The following SEMA5A variants were observed in gnomAD, a reference collection of about 807,000 sequenced individuals.
SEMA5A encodes the protein semaphorin-5A.
SEMA5A carries 55 observed loss-of-function variants against 135.5 expected under a neutral mutation model. That is an observed-to-expected ratio of 0.41 (90% CI 0.33 to 0.51). The LOEUF (loss-of-function observed/expected upper bound fraction) is 0.51. SEMA5A is among the 20% of genes least tolerant of loss of function. SEMA5A has a pLI of 0.37. For missense variants in SEMA5A, 1,290 were observed against 1,419.9 expected, an observed-to-expected ratio of 0.91 and a Z score of 1.47; for synonymous variants, 580 against 546.5, an observed-to-expected ratio of 1.06 and a Z score of -0.85.
chr5:9,107,033 G>C (rs564335759), intron 16 of SEMA5A, among the ~76,000 whole-genome samples: 1 of 152,254 alleles, frequency 6.6e-6, no homozygotes, highest in Non-Finnish European at 1.5e-5. Flanking sequence ...TGTGGTTTTT[G>C]CATGTCACAA....
chr5:9,189,944 G>A (rs1364714390), intron 11 of SEMA5A, among the ~76,000 whole-genome samples: 1 of 152,176 alleles, frequency 6.6e-6, no homozygotes, highest in Non-Finnish European at 1.5e-5. Flanking sequence ...TTCCAACAAA[G>A]CATACCTTTG....
At chr5:9,374,071 G>T (rs952871082) in intron 3 of SEMA5A, among the ~76,000 whole-genome samples, 6 of 152,142 alleles carry the variant, frequency 3.9e-5, no homozygotes, top group Non-Finnish European at 4.4e-5. Context: ...CAAATGACAA[G>T]GACATATGTG....
chr5:9,147,258 A>C (rs1452426965), intron 12 of SEMA5A, among the ~76,000 whole-genome samples: 2 of 152,174 alleles, frequency 1.3e-5, no homozygotes, highest in African/African-American at 4.8e-5. Flanking sequence ...ATACCAGTTC[A>C]CTCAATAGAA....
chr5:9,473,810 T>C (rs565625063), intron 1 of SEMA5A, among the ~76,000 whole-genome samples: 54 of 152,218 alleles, frequency 3.5e-4, no homozygotes, highest in African/African-American at 1.2e-3. Context: ...CAGGCATGAA[T>C]ATCCAAGTGC....
At chr5:9,120,054 C>T (rs905628076) in intron 14 of SEMA5A, among the ~76,000 whole-genome samples, 2 of 151,904 alleles carry the variant, frequency 1.3e-5, no homozygotes, top group Admixed American at 6.6e-5. Context: ...TAACACGTTG[C>T]TCCTGCTATT....
At chr5:9,352,326 GTATC>G (rs1372536009) in intron 3 of SEMA5A, among the ~76,000 whole-genome samples, 5 of 151,646 alleles carry the variant, frequency 3.3e-5, no homozygotes, top group East Asian at 3.9e-4. Context: ...TTTTTAATTT[GTATC>G]TATCTATCCA....
At chr5:9,054,534 C>A (rs547020688) in intron 18 of SEMA5A, among the ~76,000 whole-genome samples, 12 of 152,254 alleles carry the variant, frequency 7.9e-5, no homozygotes, top group African/African-American at 2.9e-4. Context: ...GAAAACATTT[C>A]TAAATCAATC....
At chr5:9,140,678 T>C (rs2150229309) in intron 12 of SEMA5A, among the ~76,000 whole-genome samples, 1 of 152,328 alleles carries the variant, frequency 6.6e-6, no homozygotes, top group East Asian at 1.9e-4. Context: ...AATTCTTTTA[T>C]TGACAAAATA....
intron 5 of SEMA5A, among the ~76,000 whole-genome samples, chr5:9,285,374 G>A (rs989968520): frequency 9.2e-5 from 14 of 152,012 alleles, no homozygotes; most frequent in Non-Finnish European, 1.3e-4. Flanking sequence ...TCACTGGGCC[G>A]TGAACCCGCC....
chr5:9,361,657 T>C (rs1270034791), intron 3 of SEMA5A, among the ~76,000 whole-genome samples: 1 of 152,222 alleles, frequency 6.6e-6, no homozygotes, highest in East Asian at 1.9e-4. Context: ...ATCCACATCA[T>C]GATCTTTTGC....
At chr5:9,149,327 A>G (rs1212106948) in intron 12 of SEMA5A, among the ~76,000 whole-genome samples, 3 of 152,192 alleles carry the variant, frequency 2.0e-5, no homozygotes, top group Non-Finnish European at 4.4e-5. Flanking sequence ...CACTCCACAC[A>G]GAGGCCTTAA....
intron 9 of SEMA5A, among the ~76,000 whole-genome samples, chr5:9,197,785 T>TGTGTGTGTGTGTGTA (rs1561011433): frequency 1.7e-5 from 2 of 117,862 alleles, no homozygotes; most frequent in Non-Finnish European, 1.6e-5. Context: ...TGTGTGTGTG[T>TGTGTGTGTGTGTGTA]TTTAACCCAG....
chr5:9,300,886 C>G (rs1196675494), intron 5 of SEMA5A, among the ~76,000 whole-genome samples: 3 of 152,164 alleles, frequency 2.0e-5, no homozygotes, highest in Non-Finnish European at 4.4e-5. Flanking sequence ...AGCTTTCTCC[C>G]CTAGAGTCTT....
chr5:9,523,927 A>T lies in SEMA5A; in HGVS notation c.-175+21657T>A, dbSNP rs571560960. Among the ~76,000 whole-genome samples, 43 of 132,734 alleles carry T rather than the reference A, an allele frequency of 3.2e-4. No homozygotes were observed. In the South Asian group the frequency reaches 3.4e-3, roughly 11 times the overall value. The allele number at this position is 132,734 out of a possible 152,430, so 87.1% of individuals were successfully genotyped here. A position where few individuals can be genotyped will look rare whatever the true frequency, so the allele number is the denominator to read the frequency against. ...ATCACTATGTTATAGAGCTTTTGCA[A>T]ATAGAGTTAAATTAAGATGAGGTCT... On this transcript the variant is annotated intron_variant, in intron 1 of 22. Transcript: ENST00000382496.
In SEMA5A at chr5:9,224,808, G is replaced by C. The variant is rs746402219; in HGVS notation, c.512C>G (p.Ala171Gly). ...GAGCTCCCCACCAGCTGTGAGGAGC[G>C]CTGTGGAATTGTGCTGGGGACTGTA... is the stretch of plus-strand genomic sequence containing the variant. The part of the protein sequence containing the change: ...CPYSPQHNST[A>G]LLTAGGELYA... The change falls in exon 8 of 23, where the codon GCG (alanine) becomes GGG (glycine). Residue 171 changes from alanine to glycine, a missense_variant. Coordinates refer to ENST00000382496, the MANE Select transcript of SEMA5A (RefSeq NM_003966.3). 8 of 1,614,090 alleles carry C rather than the reference G, an allele frequency of 5.0e-6. No individual in the cohort carries two copies. Among genetic ancestry groups the C allele is most frequent in the Non-Finnish European group, 6.8e-6 (8 of 1,179,982 alleles).
intron 8 of SEMA5A, among the ~76,000 whole-genome samples, chr5:9,218,964 CT>C (rs1387003048): frequency 3.9e-5 from 6 of 152,234 alleles, no homozygotes; most frequent in Non-Finnish European, 8.8e-5. Context: ...TTGTGGAGTA[CT>C]GACTATGTGC....
At chr5:9,130,207 C>G (rs1741330802) in intron 13 of SEMA5A, among the ~76,000 whole-genome samples, 1 of 152,076 alleles carries the variant, frequency 6.6e-6, no homozygotes, top group African/African-American at 2.4e-5. Context: ...GTGCAGAGGT[C>G]CCTGGAGTTC....
chr5:9,478,351 T>C (rs1407480641), intron 1 of SEMA5A, among the ~76,000 whole-genome samples: 1 of 152,148 alleles, frequency 6.6e-6, no homozygotes. Context: ...AGTAGAGCTG[T>C]GAGAAGAGGG....
intron 1 of SEMA5A, among the ~76,000 whole-genome samples, chr5:9,486,370 G>A (rs1579619925): frequency 2.0e-5 from 3 of 152,136 alleles, no homozygotes; most frequent in Non-Finnish European, 2.9e-5. Context: ...GCAGCAAACT[G>A]CCATGGCACA....
Sources: gnomAD v4.1 joint callset for allele counts (sites outside exome capture counted in the v4.1 genomes callset) on GRCh38, gnomAD v4.1.1 for gene constraint, MANE v1.5 for transcripts, NCBI Gene and HGNC (gene_info 2026-07-23, HGNC 2026-07-21) for gene names.